Variants in GHR observed in about 807,000 individuals in gnomAD.
The protein encoded by GHR is GH receptor.
GHR carries 35 observed loss-of-function variants against 67.1 expected under a neutral mutation model. The observed-to-expected ratio is 0.52, with a 90% CI of 0.40 to 0.69. The LOEUF (loss-of-function observed/expected upper bound fraction) is 0.69, where lower values mean the gene tolerates loss of function less well. Ranked by LOEUF, GHR falls within the 30% of genes least tolerant of loss-of-function variation. The pLI is 0.00. For missense variants in GHR, 792 were observed against 764.6 expected (o/e 1.04, Z -0.42); for synonymous variants, 272 against 269.1 (o/e 1.01, Z -0.10).
intron 1 of GHR, among the ~76,000 whole-genome samples, chr5:42,451,755 A>C (rs1272516786): frequency 1.3e-5 from 2 of 151,020 alleles, no homozygotes; most frequent in Non-Finnish European, 2.9e-5. Flanking sequence ...CATTTGTGTG[A>C]AATATCTTTT....
intron 2 of GHR, among the ~76,000 whole-genome samples, chr5:42,615,778 C>A (rs1753117907): frequency 6.7e-6 from 1 of 149,958 alleles, no homozygotes. Context: ...GAGTTGTAAT[C>A]AAAGAAAATT....
intron 3 of GHR, among the ~76,000 whole-genome samples, chr5:42,685,853 A>T (rs1056780279): frequency 2.0e-5 from 3 of 152,098 alleles, no homozygotes; most frequent in African/African-American, 7.2e-5. Context: ...CCTTTGTCAG[A>T]TGGGCAGATT....
At chr5:42,491,331 A>G (rs1247428397) in intron 1 of GHR, among the ~76,000 whole-genome samples, 2 of 152,234 alleles carry the variant, frequency 1.3e-5, no homozygotes, top group African/African-American at 2.4e-5. Context: ...AGCTGAGGAA[A>G]CAAAGTGGTG....
chr5:42,634,876 T>C (rs1312913927), intron 3 of GHR, among the ~76,000 whole-genome samples: 1 of 152,166 alleles, frequency 6.6e-6, no homozygotes, highest in Non-Finnish European at 1.5e-5. Context: ...CATTCTTTTT[T>C]ATCAGATATT....
chr5:42,583,255 T>C (rs1167895116), intron 2 of GHR, among the ~76,000 whole-genome samples: 1 of 152,220 alleles, frequency 6.6e-6, no homozygotes, highest in Admixed American at 6.5e-5. Flanking sequence ...TTCAGCTTTC[T>C]ACTGACATTA....
At chr5:42,617,489 A>G (rs1050667055) in intron 2 of GHR, among the ~76,000 whole-genome samples, 1 of 151,892 alleles carries the variant, frequency 6.6e-6, no homozygotes, top group Non-Finnish European at 1.5e-5. Context: ...ACCCAGAAGT[A>G]TCTTTGTCAA....
chr5:42,434,834 A>G (rs943946242), intron 1 of GHR, among the ~76,000 whole-genome samples: 9 of 152,202 alleles, frequency 5.9e-5, no homozygotes, highest in African/African-American at 1.4e-4. Context: ...TGAGATGTCA[A>G]CCATAGCCAA....
intron 1 of GHR, among the ~76,000 whole-genome samples, chr5:42,497,309 C>A (rs915704915): frequency 6.6e-6 from 1 of 152,152 alleles, no homozygotes; most frequent in African/African-American, 2.4e-5. Context: ...GAGTCTTAAG[C>A]GCTACATGAT....
intron 2 of GHR, among the ~76,000 whole-genome samples, chr5:42,597,552 C>T (rs1342722689): frequency 1.3e-5 from 2 of 152,064 alleles, no homozygotes; most frequent in African/African-American, 4.8e-5. Flanking sequence ...GTGCCAGGGT[C>T]GAGGAAAGAC....
chr5:42,694,869 C>A (rs777882990), intron 4 of GHR, 48 bp from the exon 5 acceptor site: 2 of 1,405,248 alleles, frequency 1.4e-6, no homozygotes, highest in East Asian at 2.3e-5. Context: ...ACTTAAGCTA[C>A]AACATGATTT....
intron 1 of GHR, among the ~76,000 whole-genome samples, chr5:42,539,546 A>C (rs912641090): frequency 6.6e-6 from 1 of 152,206 alleles, no homozygotes; most frequent in African/African-American, 2.4e-5. Flanking sequence ...TCAGCCATGG[A>C]TACCAGCACA....
intron 2 of GHR, among the ~76,000 whole-genome samples, chr5:42,617,414 ACAC>A: frequency 6.6e-6 from 1 of 150,498 alleles, no homozygotes; most frequent in Non-Finnish European, 1.5e-5. Context: ...ACACACACAC[ACAC>A]ACACACACAG....
rs1420982340 is a variant in GHR at position 42,718,521 on chromosome 5, T to C, written c.1014T>C (p.Ser338=). The change falls in exon 10 of 10, where the codon AGT becomes AGC. Residue 338 remains serine (S), a synonymous_variant. Coordinates refer to ENST00000230882, the MANE Select transcript of GHR (RefSeq NM_000163.5). ...IHDSYKPEFH[S]DDSWVEFIEL... ...ATAGCTATAAACCCGAATTCCACAG[T>C]GATGACTCTTGGGTTGAATTTATTG... The C allele has an allele frequency of 2.5e-6, 4 of 1,613,030 alleles. No individual in the cohort carries two copies. The highest frequency in any genetic ancestry group is 2.5e-6 in the Non-Finnish European group (3 of 1,179,094).
chr5:42,682,564 T>C (rs1166865207), intron 3 of GHR, among the ~76,000 whole-genome samples: 1 of 152,142 alleles, frequency 6.6e-6, no homozygotes, highest in African/African-American at 2.4e-5. Flanking sequence ...GAATGCTGAG[T>C]GTCTTCAGCC....
At chr5:42,610,332 C>A (rs1257856149) in intron 2 of GHR, among the ~76,000 whole-genome samples, 2 of 152,138 alleles carry the variant, frequency 1.3e-5, no homozygotes, top group African/African-American at 4.8e-5. Flanking sequence ...AGCTTGCCAG[C>A]CTCTTTACCC....
At chr5:42,464,982 C>T (rs1210536895) in intron 1 of GHR, among the ~76,000 whole-genome samples, 1 of 152,194 alleles carries the variant, frequency 6.6e-6, no homozygotes, top group African/African-American at 2.4e-5. Flanking sequence ...GGAAGAGATT[C>T]TCTTTTGAGA....
At chr5:42,647,323 C>T (rs572371766) in intron 3 of GHR, among the ~76,000 whole-genome samples, 6 of 152,052 alleles carry the variant, frequency 3.9e-5, no homozygotes, top group African/African-American at 1.4e-4. Context: ...ACCTGTAATC[C>T]CAGCACTTTG....
intron 3 of GHR, among the ~76,000 whole-genome samples, chr5:42,665,364 T>G (rs533539091): frequency 6.6e-6 from 1 of 152,134 alleles, no homozygotes; most frequent in Non-Finnish European, 1.5e-5. Flanking sequence ...CCAACAATGA[T>G]AGACTGGATT....
intron 1 of GHR, among the ~76,000 whole-genome samples, chr5:42,440,938 A>G (rs1743538797): frequency 6.6e-6 from 1 of 152,196 alleles, no homozygotes; most frequent in Non-Finnish European, 1.5e-5. Flanking sequence ...AAAGTGAGGA[A>G]CAGTAGTTCA....
Sources: allele counts gnomAD v4.1 joint callset (sites outside exome capture counted in the v4.1 genomes callset), GRCh38; gene constraint gnomAD v4.1.1; transcripts MANE v1.5; gene names NCBI Gene and HGNC (gene_info 2026-07-23, HGNC 2026-07-21).